The following KAZN variants were observed in gnomAD, a reference collection of about 807,000 sequenced individuals.
KAZN encodes the protein kazrin.
A neutral mutation model predicts 87.4 loss-of-function variants in KAZN; 40 were observed. The ratio of observed to expected loss-of-function variants is 0.46; its 90% CI spans 0.36 to 0.60. The LOEUF is 0.60. KAZN is among the 20% of genes least tolerant of loss of function. The probability of loss-of-function intolerance (pLI) is 0.00; values close to 1 mark genes in which losing one functional copy is unlikely to be tolerated. For synonymous variants in KAZN, 466 were observed against 458.3 expected (o/e 1.02, Z -0.22); for missense variants, 898 against 1,073.9 (o/e 0.84, Z 2.29).
intron 2 of KAZN, among the ~76,000 whole-genome samples, chr1:14,468,150 A>G (rs1668264805): frequency 6.6e-6 from 1 of 152,198 alleles, no homozygotes; most frequent in African/African-American, 2.4e-5. Context: ...TTGGAGGGAC[A>G]TGGAAAAAAA....
At chr1:14,557,642 GTGTGT>G (rs1673980369) in intron 2 of KAZN, among the ~76,000 whole-genome samples, 2 of 143,550 alleles carry the variant, frequency 1.4e-5, no homozygotes, top group African/African-American at 5.1e-5. Context: ...GTGTGTGTGT[GTGTGT>G]GTGTGTGTGT....
At chr1:14,426,982 C>T (rs1277942244) in intron 2 of KAZN, among the ~76,000 whole-genome samples, 1 of 152,182 alleles carries the variant, frequency 6.6e-6, no homozygotes, top group African/African-American at 2.4e-5. Context: ...GAGCTAGGTA[C>T]TGGAGATGCA....
chr1:14,438,521 C>T (rs1666528767), intron 2 of KAZN, among the ~76,000 whole-genome samples: 3 of 152,142 alleles, frequency 2.0e-5, no homozygotes. Flanking sequence ...TTCTAGACAT[C>T]AAGACACAGG....
chr1:14,534,637 T>C lies in KAZN; in HGVS notation c.250-64346T>C, dbSNP rs546424100. On this transcript the variant is annotated intron_variant, in intron 2 of 16. Transcript: ENST00000636203. ...TCCAGCCTGGGAGCCAGAGCGAGACTCCATCTCAAAAAAATAAAAAATAAA... is the reference window on the plus strand; with the variant it reads ...TCCAGCCTGGGAGCCAGAGCGAGACCCCATCTCAAAAAAATAAAAAATAAA... Among the ~76,000 whole-genome samples the C allele has an allele frequency of 2.1e-3, 321 of 152,122 alleles. 1 individual carries two copies. The highest frequency in any genetic ancestry group is 7.0e-3 in the African/African-American group (290 of 41,506).
intron 1 of KAZN, among the ~76,000 whole-genome samples, chr1:14,043,721 C>A (rs1031155928): frequency 6.6e-6 from 1 of 152,060 alleles, no homozygotes; most frequent in South Asian, 2.1e-4. Context: ...ACTGTGCATG[C>A]GTTATCCTCT....
At chr1:14,598,475 C>G (rs137993953), upstream of KAZN, among the ~76,000 whole-genome samples, 1 of 152,120 alleles carries the variant, frequency 6.6e-6, no homozygotes, top group African/African-American at 2.4e-5. This position sits in a 1 kb window ranked among gnomAD's most constrained non-coding sequence, Gnocchi z 4.2. Flanking sequence ...GGGCCGGCCT[C>G]GGTCCAGGCG....
chr1:14,799,612 G>C (rs541215858), intron 1 of KAZN, among the ~76,000 whole-genome samples: 54 of 152,298 alleles, frequency 3.5e-4, no homozygotes, highest in Middle Eastern at 3.4e-3. Flanking sequence ...GCTCTTCAAA[G>C]AGGGGATGTT....
At chr1:14,681,518 G>GAAAGTGGC (rs1640570246) in intron 1 of KAZN, among the ~76,000 whole-genome samples, 1 of 148,684 alleles carries the variant, frequency 6.7e-6, no homozygotes, top group Non-Finnish European at 1.5e-5. Context: ...TTTTCAGCTT[G>GAAAGTGGC]AAAGTGGCAT....
At chr1:14,521,846 T>G (rs921772075) in intron 2 of KAZN, among the ~76,000 whole-genome samples, 1 of 152,208 alleles carries the variant, frequency 6.6e-6, no homozygotes, top group Non-Finnish European at 1.5e-5. Flanking sequence ...TGATTATTTT[T>G]GGCAAATGTA....
At chr1:14,079,067 A>C (rs1448598936) in intron 1 of KAZN, among the ~76,000 whole-genome samples, 2 of 152,208 alleles carry the variant, frequency 1.3e-5, no homozygotes, top group African/African-American at 4.8e-5. Context: ...GTAATTTATA[A>C]AGAAAAGAGG....
intron 1 of KAZN, among the ~76,000 whole-genome samples, chr1:14,101,087 C>T (rs145829541): frequency 4.0e-4 from 61 of 152,260 alleles, no homozygotes; most frequent in Non-Finnish European, 6.9e-4. Flanking sequence ...TACCCGGTCT[C>T]GGGTATTTAT....
chr1:14,513,295 C>A (rs1368638795), intron 2 of KAZN, among the ~76,000 whole-genome samples: 2 of 152,166 alleles, frequency 1.3e-5, no homozygotes, highest in Non-Finnish European at 2.9e-5. Context: ...GTTTCTCCGA[C>A]TCCCACAGTC....
chr1:14,911,251 C>T (rs925708829), intron 1 of KAZN, among the ~76,000 whole-genome samples: 9 of 152,234 alleles, frequency 5.9e-5, no homozygotes, highest in Non-Finnish European at 1.3e-4. Flanking sequence ...TTGCTGTGGG[C>T]CTAAGCAATC....
At chr1:14,974,971 G>C (rs552190143) in intron 2 of KAZN, among the ~76,000 whole-genome samples, 1 of 152,336 alleles carries the variant, frequency 6.6e-6, no homozygotes, top group African/African-American at 2.4e-5. Flanking sequence ...AAGGAAGTAA[G>C]GTGGATTTGG....
intron 1 of KAZN, among the ~76,000 whole-genome samples, chr1:14,622,501 G>C (rs1374360274): frequency 6.6e-6 from 1 of 151,634 alleles, no homozygotes; most frequent in African/African-American, 2.4e-5. Flanking sequence ...CCATCCTGGC[G>C]AACACGGTGA....
intron 1 of KAZN, among the ~76,000 whole-genome samples, chr1:14,155,323 G>A (rs774682845): frequency 2.0e-5 from 3 of 152,088 alleles, no homozygotes; most frequent in Non-Finnish European, 4.4e-5. Context: ...TTGGCATATA[G>A]TTGCTGAAAG....
intron 1 of KAZN, among the ~76,000 whole-genome samples, chr1:13,905,383 T>C (rs373493522): frequency 2.0e-5 from 3 of 152,242 alleles, no homozygotes; most frequent in East Asian, 3.8e-4. Flanking sequence ...GATATTTCCA[T>C]ACATTCCCTG....
chr1:14,508,453 A>C (rs747257775), intron 2 of KAZN, among the ~76,000 whole-genome samples: 1 of 152,220 alleles, frequency 6.6e-6, no homozygotes, highest in Non-Finnish European at 1.5e-5. Context: ...CACCAAAGTT[A>C]AAAATATAAT....
rs758955416 is a variant in KAZN, at chr1:15,094,836, G to A, written c.1450G>A (p.Glu484Lys). Residue 484 changes from glutamate to lysine, a missense_variant, in exon 10 of 15, where the codon GAG becomes AAG. Glu to Lys is a moderately conservative substitution (Grantham distance 56). Around this residue, in one of 3 missense-constraint regions of KAZN, gnomAD observed 521 missense variants for 689.4 expected, o/e 0.76. Transcript: ENST00000376030. The surrounding 1 kb of genome is among the most constrained non-coding windows in gnomAD (Gnocchi z 4.5). The stretch of plus-strand genomic sequence containing the variant: ...GCAGGTGCTGCTGAGCCTGAGTGAC[G>A]AGGACCTGCAGCTGGGCCTTGGGGT... ...SGKVLLSLSDEDLQLGLGVCS... is the reference protein window; with the variant it reads ...SGKVLLSLSDKDLQLGLGVCS... 5 of 1,550,342 alleles carry A rather than the reference G, an allele frequency of 3.2e-6. No homozygotes were observed. Among genetic ancestry groups the A allele is most frequent in the Admixed American group, 2.0e-5 (1 of 50,996 alleles).
Sources: gnomAD v4.1 joint callset for allele counts (sites outside exome capture counted in the v4.1 genomes callset) on GRCh38, gnomAD v4.1.1 for gene constraint, gnomAD v4.1.1 regional missense constraint, Gnocchi (gnomAD v3.1) non-coding constraint, MANE v1.5 for transcripts, NCBI Gene and HGNC (gene_info 2026-07-23, HGNC 2026-07-21) for gene names.